CPNE4: variants seen among roughly 807,000 people sequenced by gnomAD.
The protein encoded by CPNE4 is copine 4.
In CPNE4, 25 loss-of-function variants were observed where a neutral mutation model predicts 67.9. The ratio of observed to expected loss-of-function variants is 0.37; its 90% CI spans 0.27 to 0.51. The LOEUF (loss-of-function observed/expected upper bound fraction) is 0.51. CPNE4 is among the 20% of genes least tolerant of loss of function. CPNE4 has a pLI of 0.93. For missense variants in CPNE4, 464 were observed against 690.8 expected, an observed-to-expected ratio of 0.67 and a Z score of 3.68; for synonymous variants, 242 against 244.9, an observed-to-expected ratio of 0.99 and a Z score of 0.11.
chr3:131,677,999 T>C (rs7611701), intron 6 of CPNE4, among the ~76,000 whole-genome samples: 1,868 of 152,296 alleles, frequency 0.012, 33 homozygotes, highest in African/African-American at 0.042. Flanking sequence ...AGGAATAGCA[T>C]TGAATGTATA....
intron 6 of CPNE4, among the ~76,000 whole-genome samples, chr3:131,671,828 A>G (rs2080425819): frequency 6.6e-6 from 1 of 152,026 alleles, no homozygotes. Flanking sequence ...CATTCCACTT[A>G]TACTGTTTTG....
At chr3:131,688,393 T>C (rs1429226676) in intron 5 of CPNE4, among the ~76,000 whole-genome samples, 1 of 152,148 alleles carries the variant, frequency 6.6e-6, no homozygotes, top group African/African-American at 2.4e-5. Context: ...AAATGGCCCA[T>C]TTCTCTCTCA....
At chr3:131,563,041 G>T (rs540393083) in intron 11 of CPNE4, among the ~76,000 whole-genome samples, 1 of 152,124 alleles carries the variant, frequency 6.6e-6, no homozygotes, top group South Asian at 2.1e-4. Context: ...CAGAGACACA[G>T]GCAGGCAGGA....
intron 2 of CPNE4, among the ~76,000 whole-genome samples, chr3:131,792,643 A>ATATG (rs879496700): frequency 1.1e-4 from 9 of 79,282 alleles, no homozygotes; most frequent in African/African-American, 1.4e-4. Flanking sequence ...ACACGTGTAT[A>ATATG]TATGTATATA....
chr3:131,597,318 G>T (rs2107717174), intron 7 of CPNE4, among the ~76,000 whole-genome samples: 1 of 152,112 alleles, frequency 6.6e-6, no homozygotes, highest in East Asian at 1.9e-4. Flanking sequence ...TGGGGTGGGG[G>T]GATGCTAGGA....
chr3:131,964,041 T>G (rs988453813), intron 1 of CPNE4, among the ~76,000 whole-genome samples: 1 of 152,138 alleles, frequency 6.6e-6, no homozygotes, highest in African/African-American at 2.4e-5. Context: ...GGCAGCAATC[T>G]TTGCTGCTCT....
At chr3:131,655,753 A>C (rs1305054972) in intron 7 of CPNE4, among the ~76,000 whole-genome samples, 1 of 152,042 alleles carries the variant, frequency 6.6e-6, no homozygotes, top group Non-Finnish European at 1.5e-5. Context: ...ACTTAATTGA[A>C]TCCTGTTTGT....
At chr3:131,616,722 A>T (rs915990075) in intron 7 of CPNE4, among the ~76,000 whole-genome samples, 19 of 152,150 alleles carry the variant, frequency 1.2e-4, no homozygotes, top group African/African-American at 4.6e-4. Context: ...GTATGGTAAA[A>T]TCTGTACAGC....
chr3:131,690,731 TA>T (rs34676188), intron 5 of CPNE4, among the ~76,000 whole-genome samples: 8 of 149,914 alleles, frequency 5.3e-5, no homozygotes, highest in South Asian at 2.1e-4. Flanking sequence ...TCTGCACAGT[TA>T]AAAAAAAAAC....
chr3:131,953,820 G>A (rs988915605), intron 1 of CPNE4, among the ~76,000 whole-genome samples: 8 of 152,264 alleles, frequency 5.3e-5, no homozygotes, highest in Admixed American at 2.6e-4. Flanking sequence ...AAGTTCTTAC[G>A]TTTGATAGAA....
At chr3:131,657,101 A>G (rs1026158901) in intron 7 of CPNE4, among the ~76,000 whole-genome samples, 12 of 152,140 alleles carry the variant, frequency 7.9e-5, no homozygotes, top group Non-Finnish European at 1.8e-4. Context: ...ATTTACCATT[A>G]TTTGTTTCTG....
chr3:131,555,579 A>G (rs1936417888), intron 11 of CPNE4, 28 bp from the exon 12 acceptor site: 1 of 1,599,890 alleles, frequency 6.3e-7, no homozygotes. Context: ...AAAAGAAAAA[A>G]CAAGAAGTTG....
intron 1 of CPNE4, among the ~76,000 whole-genome samples, chr3:132,020,701 A>C (rs1034290876): frequency 2.6e-5 from 4 of 152,202 alleles, no homozygotes; most frequent in African/African-American, 9.7e-5. Context: ...CCAACTCCCT[A>C]AAGAGTAATT....
chr3:131,784,020 T>C (rs2083490702), intron 2 of CPNE4, among the ~76,000 whole-genome samples: 1 of 152,132 alleles, frequency 6.6e-6, no homozygotes, highest in African/African-American at 2.4e-5. Context: ...AGAGAAATTT[T>C]GCTCAGCAAA....
Position 131,754,356 on chromosome 3 carries a change from A to T in CPNE4, c.181-30731T>A, listed in dbSNP as rs147233996. Among the ~76,000 whole-genome samples the T allele has an allele frequency of 3.2e-3, 491 of 152,252 alleles. 3 individuals are homozygous for T. Among genetic ancestry groups the T allele is most frequent in the African/African-American group, 0.011 (459 of 41,554 alleles). Reference sequence around the variant, plus strand: ...AAAGAGAGAGAAAAAAGAGGGTGGAACCAAACAAAGAAGTATAAGAAAAAA... The same window carrying T: ...AAAGAGAGAGAAAAAAGAGGGTGGATCCAAACAAAGAAGTATAAGAAAAAA... On this transcript the variant is annotated intron_variant, in intron 2 of 15. Transcript: ENST00000429747.
At chr3:131,733,437 T>C (rs947283002) in intron 2 of CPNE4, among the ~76,000 whole-genome samples, 3 of 152,238 alleles carry the variant, frequency 2.0e-5, no homozygotes, top group African/African-American at 7.2e-5. Flanking sequence ...GAATATCTCA[T>C]GAGAAATCAA....
intron 2 of CPNE4, among the ~76,000 whole-genome samples, chr3:131,781,329 T>G (rs2083428403): frequency 6.6e-6 from 1 of 152,122 alleles, no homozygotes; most frequent in East Asian, 1.9e-4. Flanking sequence ...GCAAGACACA[T>G]TACTGTCCTG....
chr3:131,811,973 G>A (rs2084546269), intron 2 of CPNE4, among the ~76,000 whole-genome samples: 1 of 152,064 alleles, frequency 6.6e-6, no homozygotes, highest in African/African-American at 2.4e-5. Context: ...ACTATTGCAG[G>A]GTATTGCTTG....
intron 7 of CPNE4, among the ~76,000 whole-genome samples, chr3:131,596,157 C>T (rs1307239967): frequency 1.4e-4 from 21 of 151,730 alleles, no homozygotes; most frequent in African/African-American, 4.4e-4. Context: ...AACAAACAAA[C>T]AAACAAATAA....
Sources: gnomAD v4.1 joint callset for allele counts (sites outside exome capture counted in the v4.1 genomes callset) on GRCh38, gnomAD v4.1.1 for gene constraint, MANE v1.5 for transcripts, NCBI Gene and HGNC (gene_info 2026-07-23, HGNC 2026-07-21) for gene names.